Variants in CDK14 observed in about 807,000 individuals in gnomAD.
CDK14 encodes the protein cyclin dependent kinase 14, also known as cyclin-dependent kinase 14.
In CDK14, 34 loss-of-function variants were observed where a neutral mutation model predicts 60.7. The ratio of observed to expected loss-of-function variants is 0.56; its 90% CI spans 0.43 to 0.75. The LOEUF is 0.75. Ranked by LOEUF, CDK14 falls within the 30% of genes least tolerant of loss-of-function variation. CDK14 has a pLI of 0.00. For synonymous variants in CDK14, 197 were observed against 203.7 expected, an observed-to-expected ratio of 0.97 and a Z score of 0.28; for missense variants, 482 against 564.1, an observed-to-expected ratio of 0.85 and a Z score of 1.47.
intron 14 of CDK14, among the ~76,000 whole-genome samples, chr7:91,186,372 C>G (rs1270712375): frequency 6.8e-6 from 1 of 147,904 alleles, no homozygotes; most frequent in Admixed American, 6.9e-5. Flanking sequence ...TATCTATTCT[C>G]TAGTTGATAG....
At chr7:90,698,084 A>G (rs1045565967) in intron 2 of CDK14, among the ~76,000 whole-genome samples, 5 of 145,952 alleles carry the variant, frequency 3.4e-5, no homozygotes, top group East Asian at 2.0e-4. Context: ...AAAAAAAAAA[A>G]AAAAAGAAAA....
At chr7:91,047,717 T>C (rs1413460750) in intron 11 of CDK14, among the ~76,000 whole-genome samples, 1 of 152,138 alleles carries the variant, frequency 6.6e-6, no homozygotes. Flanking sequence ...TGGGTGGTGA[T>C]GAGCAAGATG....
At chr7:91,011,765 T>C (rs1362509963) in intron 10 of CDK14, among the ~76,000 whole-genome samples, 1 of 152,120 alleles carries the variant, frequency 6.6e-6, no homozygotes, top group East Asian at 1.9e-4. Context: ...ATCTCATATA[T>C]TGTAGGTTTT....
At chr7:90,716,306 CA>C (rs1563055092) in intron 2 of CDK14, 1 of 152,148 alleles carries the variant, frequency 6.6e-6, no homozygotes, top group East Asian at 1.9e-4. Flanking sequence ...GTACTCTTCA[CA>C]AATTTAAGTT....
chr7:90,962,843 G>T (rs1794640345), intron 9 of CDK14, among the ~76,000 whole-genome samples: 2 of 152,096 alleles, frequency 1.3e-5, no homozygotes, highest in Non-Finnish European at 2.9e-5. Context: ...AATAACAAGA[G>T]ATGGTTACAT....
At chr7:91,090,528 T>C (rs558146569) in intron 12 of CDK14, among the ~76,000 whole-genome samples, 1 of 152,264 alleles carries the variant, frequency 6.6e-6, no homozygotes, top group African/African-American at 2.4e-5. Context: ...ACTACCAAAT[T>C]GCGTGGTGCA....
chr7:90,813,473 C>T (rs1266425405), intron 5 of CDK14, among the ~76,000 whole-genome samples: 2 of 152,162 alleles, frequency 1.3e-5, no homozygotes, highest in African/African-American at 2.4e-5. Context: ...TCTGGCTGGG[C>T]GTGGTGGCTC....
At chr7:91,082,987 T>G (rs1307881358) in intron 12 of CDK14, among the ~76,000 whole-genome samples, 1 of 152,168 alleles carries the variant, frequency 6.6e-6, no homozygotes, top group Admixed American at 6.5e-5. Flanking sequence ...CAAAGTAAGC[T>G]AGAGTTGTAA....
At chr7:90,916,873 A>G (rs936817950) in intron 7 of CDK14, among the ~76,000 whole-genome samples, 2 of 152,236 alleles carry the variant, frequency 1.3e-5, no homozygotes, top group Non-Finnish European at 2.9e-5. Context: ...AGAAAAGGCT[A>G]TTAATCACTT....
chr7:91,075,703 C>A (rs1798283813), intron 11 of CDK14, among the ~76,000 whole-genome samples: 2 of 152,232 alleles, frequency 1.3e-5, no homozygotes, highest in South Asian at 4.2e-4. Flanking sequence ...TGTCATGATT[C>A]TGTATTTAGA....
chr7:90,918,236 A>C (rs1020965746), intron 8 of CDK14, among the ~76,000 whole-genome samples: 1 of 152,220 alleles, frequency 6.6e-6, no homozygotes, highest in African/African-American at 2.4e-5. Context: ...CTGAGGCTTT[A>C]ATAACTAGAA....
At chr7:90,830,089 G>A (rs1174530177) in intron 5 of CDK14, among the ~76,000 whole-genome samples, 6 of 152,158 alleles carry the variant, frequency 3.9e-5, no homozygotes, top group Admixed American at 3.9e-4. Flanking sequence ...GCTCCACTAG[G>A]CAGTGCCCTA....
At chr7:90,677,970 G>C (rs1203956904) in intron 2 of CDK14, among the ~76,000 whole-genome samples, 3 of 152,198 alleles carry the variant, frequency 2.0e-5, no homozygotes, top group Admixed American at 2.0e-4. Context: ...GGGCCACTGA[G>C]TTGCCTCTTC....
intron 11 of CDK14, among the ~76,000 whole-genome samples, chr7:91,068,022 TCTTG>T (rs1423872803): frequency 6.6e-6 from 1 of 152,216 alleles, no homozygotes; most frequent in Non-Finnish European, 1.5e-5. Flanking sequence ...TTAAAATGTC[TCTTG>T]CTTTCTTAAT....
intron 10 of CDK14, among the ~76,000 whole-genome samples, chr7:91,035,968 C>T (rs1221990942): frequency 5.3e-5 from 8 of 151,976 alleles, no homozygotes; most frequent in Middle Eastern, 6.8e-3. Flanking sequence ...CTCAGCCTCC[C>T]GAGTAGCTGG....
chr7:90,786,849 A>ATGGAGGC (rs1488953856), intron 4 of CDK14, among the ~76,000 whole-genome samples: 2 of 146,530 alleles, frequency 1.4e-5, no homozygotes, highest in African/African-American at 5.0e-5. Flanking sequence ...AGCCCCGGAG[A>ATGGAGGC]TGGAGGCTGG....
intron 12 of CDK14, among the ~76,000 whole-genome samples, chr7:91,093,348 G>A (rs1441814994): frequency 6.6e-6 from 1 of 152,144 alleles, no homozygotes; most frequent in Non-Finnish European, 1.5e-5. Flanking sequence ...ACTAAGGTAG[G>A]CCAGAGAAAC....
chr7:91,056,453 A>C (rs1364528205), intron 11 of CDK14, among the ~76,000 whole-genome samples: 2 of 152,094 alleles, frequency 1.3e-5, no homozygotes, highest in African/African-American at 2.4e-5. Context: ...ACATGTGCAC[A>C]ATGTGCAGGT....
At chr7:90,760,690 C>T (rs1046873320) in intron 4 of CDK14, among the ~76,000 whole-genome samples, 4 of 152,270 alleles carry the variant, frequency 2.6e-5, no homozygotes, top group Middle Eastern at 3.4e-3. Context: ...ATGAAAATAA[C>T]ATCACAGTAT....
Sources: gnomAD v4.1 joint callset for allele counts (sites outside exome capture counted in the v4.1 genomes callset) on GRCh38, gnomAD v4.1.1 for gene constraint, MANE v1.5 for transcripts, NCBI Gene and HGNC (gene_info 2026-07-23, HGNC 2026-07-21) for gene names.